Variants in DENND1C observed in about 807,000 individuals in gnomAD.
DENND1C encodes DENN domain containing 1C, also known as DENN domain-containing protein 1C.
A neutral mutation model predicts 87.9 loss-of-function variants in DENND1C; 64 were observed. That is an observed-to-expected ratio of 0.73 (90% CI 0.60 to 0.90). The LOEUF is 0.90. Among genes scored for constraint, DENND1C ranks in the 40% least tolerant of loss-of-function variants. The pLI is 0.00. For missense variants in DENND1C, 980 were observed against 1,037.0 expected, an observed-to-expected ratio of 0.95 and a Z score of 0.76; for synonymous variants, 384 against 424.4, an observed-to-expected ratio of 0.90 and a Z score of 1.17.
At chr19:6,479,308 C>T (rs1568401834) in intron 4 of DENND1C, among the ~76,000 whole-genome samples, 57 of 147,308 alleles carry the variant, frequency 3.9e-4, no homozygotes, top group African/African-American at 1.4e-3. Context: ...TCCCTAAGTC[C>T]CTGGGTTCCT....
In DENND1C at chr19:6,467,822, C is replaced by T; in HGVS notation, c.2088G>A (p.Gln696=). 1.3e-6 allele frequency: 2 copies of T among 1,553,776 alleles called. No individual in the cohort carries two copies. The highest frequency in any genetic ancestry group is 1.7e-6 in the Non-Finnish European group (2 of 1,151,570). ...SHKAAEDSTA[Q]ENPTPWLSTA... ...TGGAGAGCCAGGGAGTGGGGTTTTC[C>T]TGGGCTGTAGAATCTTCAGCTGCCT... Residue 696 remains glutamine (Q), a synonymous_variant, in exon 23 of 23, where the codon CAG becomes CAA. Transcript: ENST00000381480.
intron 10 of DENND1C, chr19:6,476,588 G>A (rs1039356747): frequency 4.6e-6 from 2 of 435,000 alleles, no homozygotes; most frequent in African/African-American, 2.0e-5. Context: ...TGTCCCTGAG[G>A]GTCCGGAGGG....
At chr19:6,471,528 A>G in intron 15 of DENND1C, 32 bp from the exon 16 acceptor site, 1 of 1,507,686 alleles carries the variant, frequency 6.6e-7, no homozygotes, top group Middle Eastern at 1.9e-4. Context: ...CAGAAACAGC[A>G]GGAGACACAT....
At chr19:6,479,153 G>T in intron 4 of DENND1C, 97 bp from the exon 5 acceptor site, 2 of 1,497,904 alleles carry the variant, frequency 1.3e-6, no homozygotes, top group Non-Finnish European at 1.8e-6. Flanking sequence ...GAGTGTATGG[G>T]TCTCTAGTTG....
chr19:6,475,661 G>C, intron 12 of DENND1C, 45 bp downstream of exon 12: 1 of 1,611,646 alleles, frequency 6.2e-7, no homozygotes, highest in Non-Finnish European at 8.5e-7. Context: ...TGTAGAGGAA[G>C]GGGGAACCCT....
At chr19:6,476,052 G>T in intron 10 of DENND1C, 115 bp from the exon 11 acceptor site, 3 of 976,534 alleles carry the variant, frequency 3.1e-6, no homozygotes, top group South Asian at 1.6e-5. Context: ...TCCACTGCTG[G>T]ATAATGAGTG....
At position 6,475,595 on chromosome 19, in the gene DENND1C, A is replaced by G. The variant is rs1410172301; in HGVS notation, c.826-10T>C. On this transcript the variant is annotated splice_polypyrimidine_tract_variant and intron_variant, in intron 12 of 22. Transcript: ENST00000381480. ...CTTTTTCTCGTACTCTCTGCGGAAA[A>G]GCGGGGTCGGCCGCTCAGAGCCCGG... The G allele has an allele frequency of 6.2e-7, 1 of 1,613,832 alleles. No individual in the cohort carries two copies. The highest frequency in any genetic ancestry group is 1.3e-5 in the African/African-American group (1 of 74,936).
chr19:6,481,758 T>C lies in DENND1C; in HGVS notation c.-63A>G. On this transcript the variant is annotated 5_prime_UTR_variant, in exon 1 of 23. Transcript: ENST00000381480. ...AGGGGTCCTGGGGGCCTGTGTATGC[T>C]GGGCCCCAAGCCGGCTCAGCTTCCT... The C allele has an allele frequency of 6.8e-7, 1 of 1,481,262 alleles. No homozygotes were observed. The highest frequency in any genetic ancestry group is 8.9e-7 in the Non-Finnish European group (1 of 1,117,904). 91.8% of individuals were successfully genotyped at this position (1,481,262 alleles called of 1,614,324 possible). A position where few individuals can be genotyped will look rare whatever the true frequency, so the allele number is the denominator to read the frequency against.
chr19:6,470,421 A>G, intron 17 of DENND1C, 55 bp from the exon 18 acceptor site: 1 of 1,557,696 alleles, frequency 6.4e-7, no homozygotes, highest in Admixed American at 1.8e-5. Flanking sequence ...CCACCTCCCC[A>G]TCCCAGGTTG....
chr19:6,479,272 G>A (rs1431757926), intron 4 of DENND1C, among the ~76,000 whole-genome samples: 20 of 143,374 alleles, frequency 1.4e-4, no homozygotes, highest in African/African-American at 5.9e-4. Flanking sequence ...TGGATCTCTG[G>A]GTTTCTGGAT....
intron 1 of DENND1C, 102 bp downstream of exon 1, chr19:6,481,577 C>G: frequency 6.4e-7 from 1 of 1,555,336 alleles, no homozygotes; most frequent in Non-Finnish European, 8.7e-7. Flanking sequence ...TGGCAGGTCA[C>G]TGCACCTCCC....
At chr19:6,469,004 A>G in intron 19 of DENND1C, 51 bp from the exon 20 acceptor site, 1 of 1,054,288 alleles carries the variant, frequency 9.5e-7, no homozygotes, top group African/African-American at 1.7e-5. Flanking sequence ...TCTCCCCACC[A>G]CCCCCTACCA....
intron 4 of DENND1C, among the ~76,000 whole-genome samples, chr19:6,479,275 T>G (rs561189703): frequency 7.1e-6 from 1 of 140,524 alleles, no homozygotes; most frequent in Admixed American, 6.8e-5. Flanking sequence ...ATCTCTGGGT[T>G]TCTGGATCTC....
In DENND1C at chr19:6,480,314, T is replaced by C. The variant is rs151200143; in HGVS notation, c.18-263A>G. ...GTATGATTGTGTGTGGCTGAGTGCA[T>C]GGCTTTTGTGAGCAGGCAGTGTGTG... On this transcript the variant is annotated intron_variant, in intron 1 of 22. Transcript: ENST00000381480. The C allele has an allele frequency of 6.5e-5, 90 of 1,390,168 alleles. No individual in the cohort carries two copies. In the East Asian group the frequency reaches 2.5e-3, roughly 38 times the overall value. The allele number at this position is 1,390,168 out of a possible 1,614,324, so 86.1% of individuals were successfully genotyped here.
intron 17 of DENND1C, among the ~76,000 whole-genome samples, chr19:6,471,030 C>T (rs2092826005): frequency 2.0e-5 from 3 of 151,942 alleles, no homozygotes; most frequent in Non-Finnish European, 4.4e-5. Flanking sequence ...TCTCGGCTCA[C>T]TACAACCTCC....
At chr19:6,476,323 A>C in intron 10 of DENND1C, 1 of 199,912 alleles carries the variant, frequency 5.0e-6, no homozygotes, top group Non-Finnish European at 1.0e-5. Flanking sequence ...AACCCCACCC[A>C]AAGAGGTGGA....
chr19:6,475,077 C>A (rs562218680), intron 14 of DENND1C, among the ~76,000 whole-genome samples, 197 bp downstream of exon 14: 2 of 152,134 alleles, frequency 1.3e-5, no homozygotes, highest in African/African-American at 4.8e-5. Flanking sequence ...ACAACAACAA[C>A]AAACGGGAGG....
chr19:6,480,561 CCTATCTATCTAT>C (rs71174917), intron 1 of DENND1C: 4,025 of 125,530 alleles, frequency 0.032, 115 homozygotes, highest in African/African-American at 0.078. Flanking sequence ...CACCCACCCA[CCTATCTATCTAT>C]CTATCTATCT....
At position 6,481,784 on chromosome 19, in the gene DENND1C, G is replaced by T. The variant is rs947517747; in HGVS notation, c.-89C>A. ...GGGCCCCAAGCCGGCTCAGCTTCCT[G>T]TGTGGCTGAGAGAGGAAGTTTAACG... is the stretch of plus-strand genomic sequence containing the variant. On this transcript the variant is annotated 5_prime_UTR_variant, in exon 1 of 23. Coordinates refer to ENST00000381480, the MANE Select transcript of DENND1C (RefSeq NM_024898.4). 1 of 1,417,830 alleles carries T rather than the reference G, an allele frequency of 7.1e-7. No homozygotes were observed. Among genetic ancestry groups the T allele is most frequent in the Non-Finnish European group, 9.3e-7 (1 of 1,074,276 alleles). 87.8% of individuals were successfully genotyped at this position (1,417,830 alleles called of 1,614,324 possible).
Sources: gnomAD v4.1 joint callset for allele counts (sites outside exome capture counted in the v4.1 genomes callset) on GRCh38, gnomAD v4.1.1 for gene constraint, MANE v1.5 for transcripts, NCBI Gene and HGNC (gene_info 2026-07-23, HGNC 2026-07-21) for gene names.